PHACTR3: variants seen among roughly 807,000 people sequenced by gnomAD.
PHACTR3 encodes the protein phosphatase and actin regulator 3, also known as protein phosphatase 1, regulatory subunit 123.
A neutral mutation model predicts 66.8 loss-of-function variants in PHACTR3; 16 were observed. The ratio of observed to expected loss-of-function variants is 0.24; its 90% CI spans 0.16 to 0.36. The LOEUF (loss-of-function observed/expected upper bound fraction) is 0.36. PHACTR3 is among the 10% of genes least tolerant of loss of function. The probability of loss-of-function intolerance (pLI) is 1.00; values close to 1 mark genes in which losing one functional copy is unlikely to be tolerated. For missense variants in PHACTR3, 647 were observed against 719.9 expected (o/e 0.90, Z 1.16); for synonymous variants, 323 against 292.1 (o/e 1.11, Z -1.08).
chr20:59,693,513 C>A (rs1296194321), intron 1 of PHACTR3, among the ~76,000 whole-genome samples: 1 of 152,188 alleles, frequency 6.6e-6, no homozygotes, highest in Non-Finnish European at 1.5e-5. Context: ...AGAGATGACA[C>A]AGAATCATTT....
At chr20:59,677,425 G>T (rs543689244) in intron 1 of PHACTR3, among the ~76,000 whole-genome samples, 2 of 152,246 alleles carry the variant, frequency 1.3e-5, no homozygotes, top group Admixed American at 1.3e-4. Flanking sequence ...TGGACTTTTG[G>T]TTCTGAAAAA....
intron 1 of PHACTR3, among the ~76,000 whole-genome samples, chr20:59,670,344 G>C (rs1472560743): frequency 1.3e-5 from 2 of 152,194 alleles, no homozygotes; most frequent in Non-Finnish European, 2.9e-5. Context: ...GTCAAGTTCA[G>C]AAATGGGTGG....
chr20:59,590,009 C>T (rs56046310), intron 1 of PHACTR3, among the ~76,000 whole-genome samples: 5,094 of 152,304 alleles, frequency 0.033, 129 homozygotes, highest in Middle Eastern at 0.078. Flanking sequence ...TGTTTCACCA[C>T]GGAGGGCAGA....
In PHACTR3 at chr20:59,820,498, C is replaced by T. The variant is rs757005439; in HGVS notation, c.1328+14304C>T. On this transcript the variant is annotated intron_variant, in intron 8 of 12. Transcript: ENST00000371015. This position sits in a 1 kb window ranked among gnomAD's most constrained non-coding sequence, Gnocchi z 4.6. ...CAAGTTTAAACTGGCAAATCTCAGCCCCAGAGGATATAAATATGACGCTTC... is the reference window on the plus strand; with the variant it reads ...CAAGTTTAAACTGGCAAATCTCAGCTCCAGAGGATATAAATATGACGCTTC... 2.3e-4 allele frequency among the ~76,000 whole-genome samples: 35 copies of T among 152,144 alleles called. No individual in the cohort carries two copies. The highest frequency in any genetic ancestry group is 4.6e-4 in the Non-Finnish European group (31 of 68,036).
chr20:59,839,162 T>C (rs1285049537), intron 9 of PHACTR3, among the ~76,000 whole-genome samples: 2 of 152,196 alleles, frequency 1.3e-5, no homozygotes, highest in African/African-American at 2.4e-5. Context: ...CCTCATGGCT[T>C]GCCTTGTCTG....
chr20:59,585,903 G>A lies in PHACTR3; in HGVS notation c.109+8286G>A, dbSNP rs184368372. Among the ~76,000 whole-genome samples, 88 of 152,332 alleles carry A rather than the reference G, an allele frequency of 5.8e-4. 1 individual carries two copies. Among genetic ancestry groups the A allele is most frequent in the African/African-American group, 2.1e-3 (88 of 41,572 alleles). ...CTGTCAAGTTACAGGAAGTGGGCAT[G>A]TGGCCTCTTTGCGTGAGTCTCTCAG... On this transcript the variant is annotated intron_variant, in intron 1 of 12. Transcript: ENST00000359926.
intron 1 of PHACTR3, among the ~76,000 whole-genome samples, chr20:59,645,167 T>C (rs1396634640): frequency 6.6e-6 from 1 of 151,980 alleles, no homozygotes; most frequent in Non-Finnish European, 1.5e-5. Context: ...GGCCTCCAGC[T>C]GCATCCATGT....
At chr20:59,708,195 G>T (rs1047953488) in intron 1 of PHACTR3, among the ~76,000 whole-genome samples, 3 of 152,204 alleles carry the variant, frequency 2.0e-5, no homozygotes, top group Admixed American at 1.3e-4. Flanking sequence ...GACTGCTGAT[G>T]GGGACAGGGG....
intron 1 of PHACTR3, among the ~76,000 whole-genome samples, chr20:59,702,373 T>C (rs962409306): frequency 6.6e-5 from 10 of 152,166 alleles, no homozygotes; most frequent in Admixed American, 2.6e-4. Flanking sequence ...TGCACCTTCA[T>C]CCTTTTTTCT....
intron 1 of PHACTR3, among the ~76,000 whole-genome samples, chr20:59,610,512 T>A (rs935100736): frequency 4.6e-5 from 7 of 152,222 alleles, no homozygotes; most frequent in Non-Finnish European, 8.8e-5. Flanking sequence ...GACAAACTTG[T>A]TTATGGTCTG....
At chr20:59,815,575 C>T (rs1050405217) in intron 8 of PHACTR3, among the ~76,000 whole-genome samples, 2 of 152,004 alleles carry the variant, frequency 1.3e-5, no homozygotes, top group Non-Finnish European at 1.5e-5. Context: ...CAGGTGTGCA[C>T]CACCATGCCC....
chr20:59,662,167 G>C (rs1409564638), intron 1 of PHACTR3, among the ~76,000 whole-genome samples: 2 of 152,164 alleles, frequency 1.3e-5, no homozygotes, highest in African/African-American at 4.8e-5. Context: ...GGATTCTGGT[G>C]GTGAACAAGA....
intron 12 of PHACTR3, 149 bp downstream of exon 12, chr20:59,845,414 A>G: frequency 5.2e-6 from 3 of 571,498 alleles, no homozygotes; most frequent in Middle Eastern, 2.7e-4. Context: ...TACCTCAAGT[A>G]AGAATGCTGC....
intron 2 of PHACTR3, among the ~76,000 whole-genome samples, chr20:59,744,304 G>A (rs1168495225): frequency 1.3e-5 from 2 of 152,234 alleles, no homozygotes; most frequent in East Asian, 3.9e-4. Flanking sequence ...TGGCTCGTCA[G>A]CCTGGGCTCT....
At chr20:59,778,726 G>A (rs2040621727) in intron 7 of PHACTR3, among the ~76,000 whole-genome samples, 1 of 152,164 alleles carries the variant, frequency 6.6e-6, no homozygotes, top group Non-Finnish European at 1.5e-5. Context: ...GGGCCAATGG[G>A]GGATTAGAGA....
chr20:59,783,098 C>T (rs2040782656), intron 7 of PHACTR3, among the ~76,000 whole-genome samples: 1 of 152,204 alleles, frequency 6.6e-6, no homozygotes, highest in South Asian at 2.1e-4. Flanking sequence ...TGAAGAGCCA[C>T]CTGCAGCGAG....
intron 1 of PHACTR3, among the ~76,000 whole-genome samples, chr20:59,723,454 G>A (rs937837325): frequency 1.3e-5 from 2 of 152,114 alleles, no homozygotes; most frequent in African/African-American, 4.8e-5. Flanking sequence ...GTTTAGGGCT[G>A]ATAGTATTCC....
chr20:59,585,930 G>A (rs879294028), intron 1 of PHACTR3, among the ~76,000 whole-genome samples: 9 of 152,226 alleles, frequency 5.9e-5, no homozygotes, highest in South Asian at 2.1e-4. Flanking sequence ...GTCTCTCAGC[G>A]GTGGAAGCTG....
intron 1 of PHACTR3, among the ~76,000 whole-genome samples, chr20:59,682,152 C>T (rs1163496709): frequency 6.6e-6 from 1 of 152,172 alleles, no homozygotes; most frequent in African/African-American, 2.4e-5. Flanking sequence ...CCAGCCTGGC[C>T]AACATGGCAA....
Sources: gnomAD v4.1 joint callset for allele counts (sites outside exome capture counted in the v4.1 genomes callset) on GRCh38, gnomAD v4.1.1 for gene constraint, Gnocchi (gnomAD v3.1) non-coding constraint, MANE v1.5 for transcripts, NCBI Gene and HGNC (gene_info 2026-07-23, HGNC 2026-07-21) for gene names.